The following DGKI variants were observed in gnomAD, a reference collection of about 807,000 sequenced individuals.
DGKI encodes diacylglycerol kinase iota, also known as DAG kinase iota.
In DGKI, 55 loss-of-function variants were observed where a neutral mutation model predicts 147.5. That is an observed-to-expected ratio of 0.37 (90% CI 0.30 to 0.47). DGKI has a LOEUF of 0.47. Among genes scored for constraint, DGKI ranks in the 20% least tolerant of loss-of-function variants. The probability of loss-of-function intolerance (pLI) is 1.00; values close to 1 mark genes in which losing one functional copy is unlikely to be tolerated. For missense variants in DGKI, 1,007 were observed against 1,323.8 expected (o/e 0.76, Z 3.71); for synonymous variants, 469 against 477.1 (o/e 0.98, Z 0.22).
chr7:137,405,754 C>G (rs375168323), intron 30 of DGKI, among the ~76,000 whole-genome samples: 2 of 152,116 alleles, frequency 1.3e-5, no homozygotes, highest in African/African-American at 4.8e-5. Context: ...CACTACCATG[C>G]TGTGAAGGAT....
intron 18 of DGKI, among the ~76,000 whole-genome samples, chr7:137,572,034 G>T (rs898183295): frequency 7.9e-5 from 12 of 152,166 alleles, no homozygotes; most frequent in Non-Finnish European, 1.6e-4. Flanking sequence ...ATAATCAGGA[G>T]ACTATGATGT....
intron 1 of DGKI, among the ~76,000 whole-genome samples, chr7:137,827,262 T>C (rs981567351): frequency 6.6e-6 from 1 of 152,184 alleles, no homozygotes; most frequent in Non-Finnish European, 1.5e-5. Flanking sequence ...GCATCACTTA[T>C]AGGCTCAAAA....
At chr7:137,647,482 C>CA (rs1291965085) in intron 5 of DGKI, among the ~76,000 whole-genome samples, 1 of 152,176 alleles carries the variant, frequency 6.6e-6, no homozygotes, top group Non-Finnish European at 1.5e-5. Flanking sequence ...CTGGTTCCCC[C>CA]AAAGAATCTC....
intron 1 of DGKI, among the ~76,000 whole-genome samples, chr7:137,762,964 G>T (rs1795905901): frequency 6.6e-6 from 1 of 152,086 alleles, no homozygotes; most frequent in Non-Finnish European, 1.5e-5. Flanking sequence ...AAAACCTTAT[G>T]GCCTCATCCA....
At chr7:137,425,743 G>A (rs866041512) in intron 28 of DGKI, among the ~76,000 whole-genome samples, 10 of 152,220 alleles carry the variant, frequency 6.6e-5, no homozygotes, top group African/African-American at 9.6e-5. Flanking sequence ...TGAGAACTAC[G>A]TGAAGAATCC....
chr7:137,600,005 A>G, intron 10 of DGKI, 100 bp from the exon 11 acceptor site: 1 of 1,050,268 alleles, frequency 9.5e-7, no homozygotes, highest in Non-Finnish European at 1.4e-6. Context: ...AATAATACAC[A>G]GGGCACGGTG....
intron 21 of DGKI, among the ~76,000 whole-genome samples, chr7:137,510,522 A>G (rs1333245583): frequency 6.6e-6 from 1 of 152,270 alleles, no homozygotes. Flanking sequence ...TCTTGGCTAC[A>G]TGGCCAGGCT....
At chr7:137,829,670 C>T (rs571867113) in intron 1 of DGKI, among the ~76,000 whole-genome samples, 41 of 152,296 alleles carry the variant, frequency 2.7e-4, no homozygotes, top group African/African-American at 8.9e-4. Flanking sequence ...CTGTATTGAA[C>T]GGCATAGCCT....
At chr7:137,694,868 T>C (rs1031275582) in intron 1 of DGKI, among the ~76,000 whole-genome samples, 1 of 152,192 alleles carries the variant, frequency 6.6e-6, no homozygotes, top group African/African-American at 2.4e-5. Context: ...TCACCTCTGA[T>C]TTATGTCAGG....
At chr7:137,638,587 C>CACAT (rs1821476125) in intron 6 of DGKI, among the ~76,000 whole-genome samples, 1 of 23,354 alleles carries the variant, frequency 4.3e-5, no homozygotes, top group Non-Finnish European at 1.1e-4. Context: ...TATATATACA[C>CACAT]ATATATACAT....
chr7:137,566,449 GTA>G (rs1322699344), intron 19 of DGKI, among the ~76,000 whole-genome samples: 1 of 151,994 alleles, frequency 6.6e-6, no homozygotes, highest in Non-Finnish European at 1.5e-5. Context: ...ATATATGCCA[GTA>G]TACATTTAGA....
At chr7:137,638,733 A>C (rs888368617) in intron 6 of DGKI, among the ~76,000 whole-genome samples, 2 of 149,018 alleles carry the variant, frequency 1.3e-5, no homozygotes, top group Non-Finnish European at 3.0e-5. Context: ...TACACATTAC[A>C]TATGTAAATA....
chr7:137,483,209 T>C (rs1209723837), intron 23 of DGKI, among the ~76,000 whole-genome samples: 2 of 152,076 alleles, frequency 1.3e-5, no homozygotes, highest in African/African-American at 4.8e-5. Flanking sequence ...ACCCACAATT[T>C]TAACTCTCAC....
At chr7:137,678,697 G>T in intron 2 of DGKI, 45 bp from the exon 3 acceptor site, 1 of 1,540,258 alleles carries the variant, frequency 6.5e-7, no homozygotes, top group Non-Finnish European at 9.0e-7. Flanking sequence ...TTTTTCCAGG[G>T]ATAAGGAAAA....
At chr7:137,714,155 C>T (rs1019370606) in intron 1 of DGKI, among the ~76,000 whole-genome samples, 2 of 152,010 alleles carry the variant, frequency 1.3e-5, no homozygotes, top group Admixed American at 1.3e-4. Flanking sequence ...GGATTATTTG[C>T]TATTATCAAT....
chr7:137,756,395 A>G (rs188061071), intron 1 of DGKI, among the ~76,000 whole-genome samples: 77 of 152,362 alleles, frequency 5.1e-4, no homozygotes, highest in African/African-American at 1.8e-3. Flanking sequence ...ATGCAAACAC[A>G]GAAGAAAAAA....
At chr7:137,590,010 C>A (rs1468394539) in intron 12 of DGKI, among the ~76,000 whole-genome samples, 4 of 144,306 alleles carry the variant, frequency 2.8e-5, no homozygotes, top group Non-Finnish European at 6.0e-5. Context: ...TCAGACACAA[C>A]AATGATAGAA....
chr7:137,647,834 T>A (rs1366676313), intron 5 of DGKI, among the ~76,000 whole-genome samples: 3 of 152,168 alleles, frequency 2.0e-5, no homozygotes, highest in Non-Finnish European at 4.4e-5. Flanking sequence ...CTGCAGCATA[T>A]CCCAATTCGC....
intron 8 of DGKI, among the ~76,000 whole-genome samples, chr7:137,617,787 A>G (rs1820584813): frequency 6.6e-6 from 1 of 152,014 alleles, no homozygotes; most frequent in African/African-American, 2.4e-5. Context: ...AAATTTTGGA[A>G]GGGTGCAAGT....
Sources: gnomAD v4.1 joint callset for allele counts (sites outside exome capture counted in the v4.1 genomes callset) on GRCh38, gnomAD v4.1.1 for gene constraint, MANE v1.5 for transcripts, NCBI Gene and HGNC (gene_info 2026-07-23, HGNC 2026-07-21) for gene names.